The following PLA2G4C variants were observed in gnomAD, a reference collection of about 807,000 sequenced individuals.
PLA2G4C encodes phospholipase A2 group IVC, also known as cytosolic phospholipase A2 gamma.
PLA2G4C carries 64 observed loss-of-function variants against 73.8 expected under a neutral mutation model. The ratio of observed to expected loss-of-function variants is 0.87; its 90% CI spans 0.71 to 1.07. The LOEUF is 1.07. Among genes scored for constraint, PLA2G4C ranks in the 50% least tolerant of loss-of-function variants. The probability of loss-of-function intolerance (pLI) is 0.00; values close to 1 mark genes in which losing one functional copy is unlikely to be tolerated. For synonymous variants in PLA2G4C, 254 were observed against 252.1 expected, an observed-to-expected ratio of 1.01 and a Z score of -0.07; for missense variants, 622 against 665.4, an observed-to-expected ratio of 0.93 and a Z score of 0.72.
At position 48,110,555 on chromosome 19, in the gene PLA2G4C, T is replaced by TTGGGCTCCGGAATCCGGTGCGGAGGCG; in HGVS notation, c.-102_-101insCGCCTCCGCACCGGATTCCGGAGCCCA. The TTGGGCTCCGGAATCCGGTGCGGAGGCG allele has an allele frequency of 2.0e-6, 3 of 1,492,796 alleles. No homozygotes were observed. The highest frequency in any genetic ancestry group is 1.8e-6 in the Non-Finnish European group (2 of 1,120,700). The allele number at this position is 1,492,796 out of a possible 1,614,324, so 92.5% of individuals were successfully genotyped here. On this transcript the variant is annotated 5_prime_UTR_variant, in exon 1 of 17. Transcript: ENST00000599921. ...GTGCTCCGGAATCCGGTGCGGAGGC[T>TTGGGCTCCGGAATCCGGTGCGGAGGCG]TGGGCTCCCTGCGCTTAGCGGTGTA... is the stretch of plus-strand genomic sequence containing the variant.
intron 13 of PLA2G4C, among the ~76,000 whole-genome samples, chr19:48,065,106 A>C (rs1459064129): frequency 1.3e-5 from 2 of 152,178 alleles, no homozygotes; most frequent in Non-Finnish European, 2.9e-5. Context: ...CACAGTCCTC[A>C]GGAGATCCTG....
At position 48,054,873 on chromosome 19, in the gene PLA2G4C, C is replaced by A; in HGVS notation, c.1429+5G>T. 1 of 1,613,932 alleles carries A rather than the reference C, an allele frequency of 6.2e-7. No homozygotes were observed. The highest frequency in any genetic ancestry group is 1.7e-5 in the Admixed American group (1 of 60,004). On this transcript the variant is annotated splice_donor_5th_base_variant and intron_variant, in intron 15 of 16. Transcript: ENST00000599921. ...GCTTCTCACCTGCTCCTCCCCTGCA[C>A]CTACCTCCACAGGCATCTATGTTGA...
intron 6 of PLA2G4C, chr19:48,097,864 C>T (rs1033118575): frequency 2.3e-5 from 8 of 343,148 alleles, no homozygotes; most frequent in Middle Eastern, 7.6e-4. Context: ...GGCGATCCTC[C>T]CACCTCAGCC....
At chr19:48,062,297 T>C (rs138830732) in intron 13 of PLA2G4C, 145 bp from the exon 14 acceptor site, 11 of 629,808 alleles carry the variant, frequency 1.7e-5, no homozygotes, top group Non-Finnish European at 2.6e-5. Flanking sequence ...AGCTGACTTC[T>C]CTCTCTTCCC....
At chr19:48,086,585 CT>C (rs1356763360) in intron 9 of PLA2G4C, among the ~76,000 whole-genome samples, 1 of 152,174 alleles carries the variant, frequency 6.6e-6, no homozygotes, top group Non-Finnish European at 1.5e-5. Context: ...CTCTGTGGCT[CT>C]GCCCATTGCC....
At chr19:48,100,798 T>C (rs66617162) in intron 4 of PLA2G4C, among the ~76,000 whole-genome samples, 42,588 of 141,976 alleles carry the variant, frequency 0.3, 9,498 homozygotes, top group African/African-American at 0.64. Flanking sequence ...ACTATAGTCC[T>C]AGCTACTCGA....
intron 6 of PLA2G4C, 27 bp from the exon 7 acceptor site, chr19:48,095,631 A>C: frequency 1.2e-6 from 2 of 1,612,920 alleles, no homozygotes; most frequent in South Asian, 2.2e-5. Context: ...ACGGCAAGTG[A>C]GTCCCAGCAC....
At chr19:48,061,171 C>T (rs1409692736) in intron 14 of PLA2G4C, among the ~76,000 whole-genome samples, 2 of 151,608 alleles carry the variant, frequency 1.3e-5, no homozygotes, top group Non-Finnish European at 2.9e-5. Flanking sequence ...GCCTGCAGTC[C>T]CAGCTACTTG....
intron 1 of PLA2G4C, chr19:48,106,795 C>T: frequency 1.8e-6 from 1 of 552,228 alleles, no homozygotes; most frequent in Non-Finnish European, 3.2e-6. Flanking sequence ...AATTTGGAGG[C>T]TAGGGTTTTT....
intron 4 of PLA2G4C, among the ~76,000 whole-genome samples, chr19:48,103,009 C>T (rs1266339660): frequency 1.3e-5 from 2 of 152,178 alleles, no homozygotes; most frequent in Non-Finnish European, 1.5e-5. Flanking sequence ...GCTCCAGGAA[C>T]TAACCCAAAG....
rs746049878 is a variant in PLA2G4C, at chr19:48,062,039, G to C, written c.1216C>G (p.Leu406Val). 2 of 1,613,846 alleles carry C rather than the reference G, an allele frequency of 1.2e-6. No homozygotes were observed. Among genetic ancestry groups the C allele is most frequent in the African/African-American group, 2.7e-5 (2 of 74,872 alleles). Residue 406 changes from leucine to valine, a missense_variant, in exon 14 of 17, where the codon CTC becomes GTC. By Grantham distance (32) the Leu-to-Val change is conservative. Coordinates refer to ENST00000599921, the MANE Select transcript of PLA2G4C (RefSeq NM_003706.3). ...GCACTGAAGTCGAAGGAGAGGATGA[G>C]GTGAACCTCCCGCGTCGGGGGCAGC... Reference protein sequence around the residue: ...LVLPPTREVHLILSFDFSAGD... With the variant: ...LVLPPTREVHVILSFDFSAGD...
intron 12 of PLA2G4C, among the ~76,000 whole-genome samples, chr19:48,071,747 C>CT (rs1968667596): frequency 2.6e-5 from 4 of 152,070 alleles, no homozygotes; most frequent in African/African-American, 9.7e-5. Flanking sequence ...TCACACCTGG[C>CT]TTTTTTAAAT....
rs1311270490 is a variant in PLA2G4C at position 48,070,822 on chromosome 19, T to A, written c.1007-2936A>T. ...AATATCTAGGTGATGGGTTGATAAGTGCAGCAAACCACCATGGCATACGTT... is the reference window on the plus strand; with the variant it reads ...AATATCTAGGTGATGGGTTGATAAGAGCAGCAAACCACCATGGCATACGTT... On this transcript the variant is annotated intron_variant, in intron 12 of 16. Transcript: ENST00000599921. Among the ~76,000 whole-genome samples the A allele has an allele frequency of 5.3e-5, 8 of 152,138 alleles. No individual in the cohort carries two copies. In the South Asian group the frequency reaches 1.7e-3, roughly 32 times the overall value.
intron 4 of PLA2G4C, 40 bp from the exon 5 acceptor site, chr19:48,099,900 T>A: frequency 2.8e-6 from 4 of 1,433,022 alleles, no homozygotes; most frequent in Non-Finnish European, 3.9e-6. Flanking sequence ...GCATTTTAAG[T>A]GTGGACGATG....
chr19:48,067,731 C>G (rs1968491116), intron 13 of PLA2G4C, 60 bp downstream of exon 13: 2 of 1,137,102 alleles, frequency 1.8e-6, no homozygotes, highest in Admixed American at 3.4e-5. Flanking sequence ...CCCCCTTCCC[C>G]TACTCCAGCC....
rs866652070 is a variant in PLA2G4C, at chr19:48,104,277, T to C, written c.257+311A>G. 3.4e-5 allele frequency: 9 copies of C among 267,208 alleles called. No homozygotes were observed. The Middle Eastern group carries it at 7.8e-3, about 230-fold the overall frequency. The allele number at this position is 267,208 out of a possible 1,614,324, so 16.6% of individuals were successfully genotyped here. ...TTCTGTGAGCTATTCCAGTAAATTA[T>C]TGAACATGAGGCGGAAGCTGTGGGA... On this transcript the variant is annotated intron_variant, in intron 4 of 16. Coordinates refer to ENST00000599921, the MANE Select transcript of PLA2G4C (RefSeq NM_003706.3).
intron 7 of PLA2G4C, 52 bp downstream of exon 7, chr19:48,095,412 C>T: frequency 6.4e-7 from 1 of 1,566,954 alleles, no homozygotes; most frequent in Non-Finnish European, 8.7e-7. Flanking sequence ...AAAATTCTTG[C>T]CTCTCCTCCA....
intron 14 of PLA2G4C, 147 bp downstream of exon 14, chr19:48,061,851 G>A: frequency 1.3e-6 from 1 of 772,026 alleles, no homozygotes; most frequent in Non-Finnish European, 2.1e-6. Context: ...CGGGAGCGAT[G>A]GGTGAGTTGA....
intron 8 of PLA2G4C, 149 bp from the exon 9 acceptor site, chr19:48,088,861 AAT>A: frequency 3.0e-6 from 2 of 672,450 alleles, no homozygotes; most frequent in Non-Finnish European, 2.7e-6. Context: ...CTCGAGAGCC[AAT>A]TTTGCACCTC....
Sources: gnomAD v4.1 joint callset for allele counts (sites outside exome capture counted in the v4.1 genomes callset) on GRCh38, gnomAD v4.1.1 for gene constraint, MANE v1.5 for transcripts, NCBI Gene and HGNC (gene_info 2026-07-23, HGNC 2026-07-21) for gene names.